The following ATG4C variants were observed in gnomAD, a reference collection of about 807,000 sequenced individuals.
ATG4C encodes autophagy related 4C cysteine peptidase, also known as cysteine protease ATG4C.
Under a neutral mutation model 57.6 loss-of-function variants are expected in ATG4C, and 56 were observed. That is an observed-to-expected ratio of 0.97 (90% CI 0.78 to 1.21). The LOEUF (loss-of-function observed/expected upper bound fraction) is 1.21, where lower values mean the gene tolerates loss of function less well. Among genes scored for constraint, ATG4C ranks in the 50% most tolerant of loss-of-function variants. The probability of loss-of-function intolerance (pLI) is 0.00; values close to 1 mark genes in which losing one functional copy is unlikely to be tolerated. For missense variants in ATG4C, 595 were observed against 529.8 expected, an observed-to-expected ratio of 1.12 and a Z score of -1.21; for synonymous variants, 157 against 174.1, an observed-to-expected ratio of 0.90 and a Z score of 0.78.
rs768332502 is a variant in ATG4C, at chr1:62,829,097, A to G, written c.854A>G (p.Asp285Gly). Residue 285 changes from aspartate (D) to glycine (G), a missense_variant, in exon 7 of 11, where the codon GAT becomes GGT. Transcript: ENST00000317868. Reference sequence around the variant, plus strand: ...GCTTCCATGACTTCTGATAATGCAGATGACAAAGCTGTTATTATTCTAGTT... The same window carrying G: ...GCTTCCATGACTTCTGATAATGCAGGTGACAAAGCTGTTATTATTCTAGTT... ...QSASMTSDNA[D>G]DKAVIILVPV... is the part of the protein sequence containing the mutation. 2.1e-5 allele frequency: 34 copies of G among 1,613,200 alleles called. No individual in the cohort carries two copies. The South Asian group carries it at 3.2e-4, about 15-fold the overall frequency.
intron 3 of ATG4C, among the ~76,000 whole-genome samples, chr1:62,812,927 C>G (rs765698638): frequency 3.9e-5 from 6 of 152,080 alleles, no homozygotes; most frequent in Non-Finnish European, 8.8e-5. Context: ...ATGTGAAGGA[C>G]CTCTTCAAGG....
rs1557973106 is a variant in ATG4C, at chr1:62,819,092, T to A, written c.482T>A (p.Phe161Tyr). ...SHTVKKFTAS[F>Y]EASLSGEREF... The stretch of plus-strand genomic sequence containing the variant: ...ACTGTCAAAAAATTTACTGCATCAT[T>A]TGAAGCATCACTTTCAGGGGAAAGA... Residue 161 changes from phenylalanine (F) to tyrosine (Y), a missense_variant, in exon 5 of 11, where the codon TTT (phenylalanine) becomes TAT (tyrosine). Physicochemically the swap from Phe to Tyr is conservative, Grantham distance 22. Coordinates refer to ENST00000317868, the MANE Select transcript of ATG4C (RefSeq NM_032852.4). 3.1e-6 allele frequency: 5 copies of A among 1,611,938 alleles called. No individual in the cohort carries two copies. Among genetic ancestry groups the A allele is most frequent in the Non-Finnish European group, 4.2e-6 (5 of 1,179,194 alleles).
chr1:62,856,672 A>G (rs983311390), intron 10 of ATG4C, among the ~76,000 whole-genome samples: 2 of 152,206 alleles, frequency 1.3e-5, no homozygotes, highest in African/African-American at 4.8e-5. Flanking sequence ...ATACTAGACA[A>G]ATGTATAGGA....
intron 4 of ATG4C, among the ~76,000 whole-genome samples, chr1:62,817,755 T>C (rs77809020): frequency 1.0e-3 from 157 of 152,344 alleles, no homozygotes; most frequent in African/African-American, 3.6e-3. Context: ...TTTGTGTTAG[T>C]CCATTTTTAA....
chr1:62,862,376 T>C (rs1666882973), intron 10 of ATG4C, among the ~76,000 whole-genome samples: 1 of 152,154 alleles, frequency 6.6e-6, no homozygotes, highest in African/African-American at 2.4e-5. Flanking sequence ...TAATGTTAAC[T>C]CTGCTGTGTT....
Position 62,862,634 on chromosome 1 carries a change from A to G in ATG4C, c.1210-1358A>G, listed in dbSNP as rs571109963. 1.7e-4 allele frequency among the ~76,000 whole-genome samples: 26 copies of G among 152,222 alleles called. No homozygotes were observed. In the East Asian group the frequency reaches 3.7e-3, roughly 21 times the overall value. ...TTTCAGCAATGTATAAATAAGCACAATATGAACTATAGGATCTGATTTTCA... is the reference window on the plus strand; with the variant it reads ...TTTCAGCAATGTATAAATAAGCACAGTATGAACTATAGGATCTGATTTTCA... On this transcript the variant is annotated intron_variant, in intron 10 of 10. Transcript: ENST00000317868.
At chr1:62,823,341 A>AC (rs1665545187) in intron 6 of ATG4C, among the ~76,000 whole-genome samples, 1 of 152,124 alleles carries the variant, frequency 6.6e-6, no homozygotes, top group Non-Finnish European at 1.5e-5. Flanking sequence ...TGGCATGTCC[A>AC]CATATGTACT....
chr1:62,849,533 A>G (rs1666436744), intron 10 of ATG4C, among the ~76,000 whole-genome samples: 1 of 150,102 alleles, frequency 6.7e-6, no homozygotes, highest in Non-Finnish European at 1.5e-5. Context: ...TTTTTTGGAG[A>G]CAGAGTCTCA....
At chr1:62,839,733 T>A (rs1196310957) in intron 9 of ATG4C, among the ~76,000 whole-genome samples, 1 of 152,220 alleles carries the variant, frequency 6.6e-6, no homozygotes, top group Non-Finnish European at 1.5e-5. Flanking sequence ...ACTAAGATTA[T>A]ACTTGTATTG....
intron 1 of ATG4C, among the ~76,000 whole-genome samples, chr1:62,789,753 C>T (rs1291326325): frequency 6.6e-6 from 1 of 152,020 alleles, no homozygotes; most frequent in Non-Finnish European, 1.5e-5. Context: ...GGAGGCGGAG[C>T]TTGGAGTGAT....
At chr1:62,832,592 A>G (rs1330191339) in intron 7 of ATG4C, among the ~76,000 whole-genome samples, 1 of 152,142 alleles carries the variant, frequency 6.6e-6, no homozygotes, top group Non-Finnish European at 1.5e-5. Context: ...AGTTAGCTCT[A>G]AGATTTTAAC....
At chr1:62,797,254 T>TC in intron 1 of ATG4C, among the ~76,000 whole-genome samples, 1 of 151,916 alleles carries the variant, frequency 6.6e-6, no homozygotes, top group African/African-American at 2.4e-5. Flanking sequence ...CCCCTTTTTT[T>TC]CTCACTCAAT....
chr1:62,802,302 G>T (rs1195335272), intron 1 of ATG4C, among the ~76,000 whole-genome samples: 3 of 151,936 alleles, frequency 2.0e-5, no homozygotes, highest in Non-Finnish European at 4.4e-5. Context: ...TATAATACAG[G>T]TTGAGCATCC....
At chr1:62,793,677 T>A (rs1251333960) in intron 1 of ATG4C, among the ~76,000 whole-genome samples, 2 of 139,892 alleles carry the variant, frequency 1.4e-5, no homozygotes, top group Admixed American at 7.0e-5. Flanking sequence ...ACAAAAAAAG[T>A]ATTAGTTATT....
intron 1 of ATG4C, among the ~76,000 whole-genome samples, chr1:62,790,007 T>A (rs1664222467): frequency 6.6e-6 from 1 of 151,580 alleles, no homozygotes; most frequent in Non-Finnish European, 1.5e-5. Context: ...CTCTGCCTCC[T>A]GGGTTCAAGC....
At chr1:62,858,569 G>A (rs1190669709) in intron 10 of ATG4C, among the ~76,000 whole-genome samples, 1 of 152,052 alleles carries the variant, frequency 6.6e-6, no homozygotes, top group Non-Finnish European at 1.5e-5. Flanking sequence ...TGCATTTTGG[G>A]ATGTGGAAAT....
intron 6 of ATG4C, among the ~76,000 whole-genome samples, chr1:62,828,085 T>C (rs1665724582): frequency 6.6e-6 from 1 of 152,234 alleles, no homozygotes; most frequent in South Asian, 2.1e-4. Flanking sequence ...GTGTCTTTGC[T>C]ATTGTGAATA....
chr1:62,847,928 C>T (rs911470681), intron 10 of ATG4C, among the ~76,000 whole-genome samples: 2 of 152,194 alleles, frequency 1.3e-5, no homozygotes, highest in Admixed American at 1.3e-4. Flanking sequence ...CTGCCTTCTT[C>T]AGACTTCAGC....
In ATG4C at chr1:62,864,224, G is replaced by A. The variant is rs190385628; in HGVS notation, c.*65G>A. ...AAAGGGGAAAAATGAAGAGAAACAA[G>A]TATATCTGAAATGTTTATTTTCACA... On this transcript the variant is annotated 3_prime_UTR_variant, in exon 11 of 11. Transcript: ENST00000317868. The A allele has an allele frequency of 2.9e-5, 38 of 1,303,580 alleles. No individual in the cohort carries two copies. The Middle Eastern group carries it at 8.1e-4, about 28-fold the overall frequency. 80.8% of individuals were successfully genotyped at this position (1,303,580 alleles called of 1,614,324 possible). A position where few individuals can be genotyped will look rare whatever the true frequency, so the allele number is the denominator to read the frequency against.
Sources: gnomAD v4.1 joint callset for allele counts (sites outside exome capture counted in the v4.1 genomes callset) on GRCh38, gnomAD v4.1.1 for gene constraint, MANE v1.5 for transcripts, NCBI Gene and HGNC (gene_info 2026-07-23, HGNC 2026-07-21) for gene names.